The following RERE variants were observed in gnomAD, a reference collection of about 807,000 sequenced individuals.
The protein encoded by RERE is arginine-glutamic acid dipeptide repeats protein.
Under a neutral mutation model 146.1 loss-of-function variants are expected in RERE, and 40 were observed. The observed-to-expected ratio is 0.27, with a 90% CI of 0.21 to 0.36. The LOEUF (loss-of-function observed/expected upper bound fraction) is 0.36. Among genes scored for constraint, RERE ranks in the 10% least tolerant of loss-of-function variants. The pLI is 1.00. For synonymous variants in RERE, 1,003 were observed against 866.0 expected (o/e 1.16, Z -2.78); for missense variants, 1,933 against 2,138.7 (o/e 0.90, Z 1.90).
intron 7 of RERE, among the ~76,000 whole-genome samples, chr1:8,530,625 AT>A (rs936581726): frequency 5.3e-5 from 8 of 150,836 alleles, no homozygotes; most frequent in Non-Finnish European, 1.2e-4. Context: ...GTTTATTTAA[AT>A]TTCATTTACT....
intron 15 of RERE, among the ~76,000 whole-genome samples, chr1:8,363,485 C>T (rs1641675612): frequency 6.6e-6 from 1 of 152,148 alleles, no homozygotes; most frequent in Non-Finnish European, 1.5e-5. Flanking sequence ...GTGGATGGTC[C>T]CACCCACCTG....
At chr1:8,813,614 C>CTTTTT in intron 1 of RERE, among the ~76,000 whole-genome samples, 1 of 121,130 alleles carries the variant, frequency 8.3e-6, no homozygotes, top group East Asian at 2.5e-4. Context: ...CTATTTTTTC[C>CTTTTT]TTTTTTTTTT....
chr1:8,534,909 G>A (rs532989484), intron 7 of RERE, among the ~76,000 whole-genome samples: 135 of 152,228 alleles, frequency 8.9e-4, no homozygotes, highest in Middle Eastern at 3.4e-3. Flanking sequence ...TGTGATACAC[G>A]ATCTAACTCT....
At chr1:8,438,902 C>T (rs760640730) in intron 11 of RERE, among the ~76,000 whole-genome samples, 1 of 152,170 alleles carries the variant, frequency 6.6e-6, no homozygotes, top group Non-Finnish European at 1.5e-5. Flanking sequence ...ACAAAACTCT[C>T]TAATTGATAT....
At chr1:8,593,908 GGAGGA>G (rs1646524628) in intron 4 of RERE, among the ~76,000 whole-genome samples, 1 of 152,128 alleles carries the variant, frequency 6.6e-6, no homozygotes, top group African/African-American at 2.4e-5. Context: ...GGGGCAGACA[GGAGGA>G]GACTAGATAC....
chr1:8,381,546 T>C (rs1642458856), intron 12 of RERE, among the ~76,000 whole-genome samples: 1 of 152,246 alleles, frequency 6.6e-6, no homozygotes, highest in Non-Finnish European at 1.5e-5. Context: ...CACACATAGG[T>C]GGAAAATTAG....
At chr1:8,576,822 C>T (rs755917094) in intron 4 of RERE, among the ~76,000 whole-genome samples, 9 of 152,156 alleles carry the variant, frequency 5.9e-5, no homozygotes, top group Non-Finnish European at 1.2e-4. Context: ...CAACATCTAC[C>T]AAAATTACAA....
rs897306563 is a variant in RERE at position 8,784,069 on chromosome 1, G to A, written c.-145+33091C>T. 2.0e-5 allele frequency among the ~76,000 whole-genome samples: 3 copies of A among 152,196 alleles called. No individual in the cohort carries two copies. The East Asian group carries it at 5.8e-4, about 29-fold the overall frequency. ...TGTTGTGTTAAGCCACCAAGCATGT[G>A]CTTGTAATGGCAGCCCCAGGAAACT... On this transcript the variant is annotated intron_variant, in intron 1 of 22. Transcript: ENST00000400908.
At chr1:8,817,060 C>CA (rs1641927373) in intron 1 of RERE, 100 bp downstream of exon 1, 1 of 152,326 alleles carries the variant, frequency 6.6e-6, no homozygotes, top group Non-Finnish European at 1.5e-5. Context: ...TGCCTCCCCC[C>CA]GGGCGAGTGA....
chr1:8,361,696 G>C, intron 17 of RERE, 67 bp downstream of exon 17: 1 of 1,448,836 alleles, frequency 6.9e-7, no homozygotes, highest in Non-Finnish European at 9.6e-7. Context: ...CAACTAGGGA[G>C]AACCCCGGCT....
chr1:8,581,848 T>C (rs935018817), intron 4 of RERE, among the ~76,000 whole-genome samples: 19 of 152,210 alleles, frequency 1.2e-4, no homozygotes, highest in African/African-American at 4.3e-4. Context: ...TTTCCTAATA[T>C]TAATATACCT....
intron 1 of RERE, among the ~76,000 whole-genome samples, chr1:8,758,209 T>C (rs1640683575): frequency 6.6e-6 from 1 of 151,110 alleles, no homozygotes; most frequent in Non-Finnish European, 1.5e-5. Flanking sequence ...CCTGAGTCTC[T>C]CGAGTAGCTG....
At chr1:8,408,155 C>T (rs1408405119) in intron 12 of RERE, among the ~76,000 whole-genome samples, 1 of 152,002 alleles carries the variant, frequency 6.6e-6, no homozygotes, top group African/African-American at 2.4e-5. Context: ...TAGGTTGAAG[C>T]AGCCTGCATA....
intron 10 of RERE, 145 bp from the exon 11 acceptor site, chr1:8,466,168 A>T (rs1644594051): frequency 3.0e-6 from 2 of 676,134 alleles, no homozygotes; most frequent in South Asian, 2.0e-5. Context: ...TAGGCGCAGG[A>T]ATTTGTTCTC....
At chr1:8,710,676 C>A (rs996811587) in intron 1 of RERE, among the ~76,000 whole-genome samples, 1 of 152,060 alleles carries the variant, frequency 6.6e-6, no homozygotes, top group Non-Finnish European at 1.5e-5. Context: ...CCACCACGCC[C>A]GGCTAATTTT....
chr1:8,732,967 G>A (rs1482100165), intron 1 of RERE, among the ~76,000 whole-genome samples: 1 of 150,644 alleles, frequency 6.6e-6, no homozygotes, highest in Non-Finnish European at 1.5e-5. Flanking sequence ...GACTACAGGC[G>A]CCCGCCACTA....
At chr1:8,402,956 T>C (rs1235452134) in intron 12 of RERE, among the ~76,000 whole-genome samples, 1 of 152,180 alleles carries the variant, frequency 6.6e-6, no homozygotes, top group Non-Finnish European at 1.5e-5. Context: ...TGGAGTGCAG[T>C]GGCGCGATCT....
chr1:8,793,177 AG>A (rs1641399781), intron 1 of RERE, among the ~76,000 whole-genome samples: 58 of 148,236 alleles, frequency 3.9e-4, no homozygotes, highest in African/African-American at 1.4e-3. Flanking sequence ...AAAAAAAAAA[AG>A]AAAGAAAGAA....
At chr1:8,454,391 G>A (rs1373292463) in intron 11 of RERE, among the ~76,000 whole-genome samples, 1 of 152,128 alleles carries the variant, frequency 6.6e-6, no homozygotes, top group Non-Finnish European at 1.5e-5. Flanking sequence ...GAAAGGATGG[G>A]GCAGGCAGCA....
Sources: gnomAD v4.1 joint callset for allele counts (sites outside exome capture counted in the v4.1 genomes callset) on GRCh38, gnomAD v4.1.1 for gene constraint, MANE v1.5 for transcripts, NCBI Gene and HGNC (gene_info 2026-07-23, HGNC 2026-07-21) for gene names.